SLC9B1: variants seen among roughly 807,000 people sequenced by gnomAD.
SLC9B1 encodes solute carrier family 9 member B1.
In SLC9B1, 32 loss-of-function variants were observed where a neutral mutation model predicts 51.7. That is an observed-to-expected ratio of 0.62 (90% CI 0.47 to 0.83). The LOEUF (loss-of-function observed/expected upper bound fraction) is 0.83. Among genes scored for constraint, SLC9B1 ranks in the 40% least tolerant of loss-of-function variants. SLC9B1 has a pLI of 0.00. For missense variants in SLC9B1, 406 were observed against 613.2 expected, an observed-to-expected ratio of 0.66 and a Z score of 3.57; for synonymous variants, 145 against 212.7, an observed-to-expected ratio of 0.68 and a Z score of 2.77.
chr4:102,941,679 A>AG (rs1737009086), intron 6 of SLC9B1, among the ~76,000 whole-genome samples: 2 of 142,430 alleles, frequency 1.4e-5, no homozygotes, highest in African/African-American at 5.3e-5. Context: ...GAGAGAGAGA[A>AG]AGAAAAACCC....
intron 5 of SLC9B1, 89 bp downstream of exon 5, chr4:102,946,558 A>G: frequency 7.0e-7 from 1 of 1,423,458 alleles, no homozygotes; most frequent in Non-Finnish European, 9.6e-7. Flanking sequence ...TCTATTTGGA[A>G]CAGGAAAATA....
At chr4:102,919,783 C>T (rs1478160813) in intron 7 of SLC9B1, among the ~76,000 whole-genome samples, 1 of 152,240 alleles carries the variant, frequency 6.6e-6, no homozygotes, top group Non-Finnish European at 1.5e-5. Flanking sequence ...GGGTCCCACA[C>T]CCATGGAGCC....
chr4:103,001,893 T>A (rs931461425), intron 1 of SLC9B1, among the ~76,000 whole-genome samples: 15 of 152,220 alleles, frequency 9.9e-5, no homozygotes, highest in African/African-American at 3.6e-4. Flanking sequence ...GAGGTTTAAC[T>A]GACTCACAGT....
Position 102,938,527 on chromosome 4 carries a change from A to G in SLC9B1, c.654-6228T>C, listed in dbSNP as rs532022766. 2.0e-5 allele frequency among the ~76,000 whole-genome samples: 3 copies of G among 152,304 alleles called. No individual in the cohort carries two copies. The South Asian group carries it at 6.2e-4, about 32-fold the overall frequency. ...GTCAACACTTGGCTAAATGGACCTA[A>G]CAGCCATCTACAGAACACTCCACCC... On this transcript the variant is annotated intron_variant, in intron 6 of 11. Coordinates refer to ENST00000296422, the MANE Select transcript of SLC9B1 (RefSeq NM_139173.4).
chr4:102,905,972 G>A (rs1026921590), intron 10 of SLC9B1, among the ~76,000 whole-genome samples: 3 of 151,996 alleles, frequency 2.0e-5, no homozygotes, highest in African/African-American at 7.3e-5. Flanking sequence ...TTCTTGCTCT[G>A]TCACCCAGGC....
chr4:102,947,998 T>A (rs1388630768), intron 4 of SLC9B1, among the ~76,000 whole-genome samples: 1 of 152,208 alleles, frequency 6.6e-6, no homozygotes, highest in African/African-American at 2.4e-5. Flanking sequence ...ATGGTTAAAA[T>A]CAAAGAATAA....
chr4:102,988,989 A>T lies in SLC9B1; in HGVS notation c.211+811T>A, dbSNP rs148742679. On this transcript the variant is annotated intron_variant, in intron 3 of 11. Coordinates refer to ENST00000296422, the MANE Select transcript of SLC9B1 (RefSeq NM_139173.4). ...GACCAAGTCATGGGAACATATGTAT[A>T]TTTACAAAGGAGTCCAATCACTTAC... Among the ~76,000 whole-genome samples, 478 of 152,174 alleles carry T rather than the reference A, an allele frequency of 3.1e-3. 3 individuals carry two copies. The highest frequency in any genetic ancestry group is 0.01 in the African/African-American group (433 of 41,548).
chr4:102,933,266 C>T (rs1447737632), intron 6 of SLC9B1, among the ~76,000 whole-genome samples: 1 of 152,182 alleles, frequency 6.6e-6, no homozygotes, highest in Non-Finnish European at 1.5e-5. Flanking sequence ...TCCCTCCAGA[C>T]AGCATCTGCC....
intron 3 of SLC9B1, among the ~76,000 whole-genome samples, chr4:102,987,721 T>C (rs1025810801): frequency 3.9e-5 from 6 of 152,190 alleles, no homozygotes; most frequent in South Asian, 2.1e-4. Flanking sequence ...CATCCCATAA[T>C]TGGGGACCTC....
At chr4:102,993,034 T>C (rs1322667233) in intron 1 of SLC9B1, among the ~76,000 whole-genome samples, 1 of 152,154 alleles carries the variant, frequency 6.6e-6, no homozygotes, top group Non-Finnish European at 1.5e-5. Flanking sequence ...GTGGGGATTG[T>C]TATAACTCAA....
intron 3 of SLC9B1, among the ~76,000 whole-genome samples, chr4:102,981,049 T>C (rs1739327836): frequency 6.6e-6 from 1 of 152,168 alleles, no homozygotes; most frequent in Non-Finnish European, 1.5e-5. Context: ...TTTTACTGTG[T>C]CCATAGTTTT....
chr4:102,950,400 G>A (rs1737487753), intron 3 of SLC9B1, among the ~76,000 whole-genome samples: 1 of 152,092 alleles, frequency 6.6e-6, no homozygotes, highest in African/African-American at 2.4e-5. Context: ...TACTCACTGA[G>A]GAATCCATAG....
intron 3 of SLC9B1, among the ~76,000 whole-genome samples, chr4:102,981,063 CCT>C (rs1739328610): frequency 6.6e-6 from 1 of 152,100 alleles, no homozygotes; most frequent in Non-Finnish European, 1.5e-5. Flanking sequence ...TAGTTTTGCC[CCT>C]GTTAGAATGT....
Position 102,909,553 on chromosome 4 carries a change from A to G in SLC9B1, c.1086+886T>C, listed in dbSNP as rs1306384269. 3.9e-5 allele frequency among the ~76,000 whole-genome samples: 6 copies of G among 152,256 alleles called. No homozygotes were observed. In the East Asian group the frequency reaches 1.2e-3, roughly 29 times the overall value. On this transcript the variant is annotated intron_variant, in intron 9 of 11. Transcript: ENST00000296422. ...AGGAGGTGGAGTTTGCAGTGAGCCA[A>G]GATTATGCTACTGCACTCCAGCCTG... is the stretch of plus-strand genomic sequence containing the variant.
intron 6 of SLC9B1, among the ~76,000 whole-genome samples, chr4:102,938,057 C>A (rs1736810151): frequency 6.6e-6 from 1 of 152,092 alleles, no homozygotes; most frequent in Non-Finnish European, 1.5e-5. Context: ...AGTATAAACG[C>A]CCCACTTAAA....
rs140158497 is a variant in SLC9B1, at chr4:102,991,657, A to C, written c.55T>G (p.Ser19Ala). ...TAAGTTTTTACCTGAGGAGTTGTAG[A>C]TGTTTGGAAGTTTTCATCCTCCAAA... is the stretch of plus-strand genomic sequence containing the variant. ...EHLEDENFQT[S>A]TTPQSLIDPN... Residue 19 changes from serine to alanine, a missense_variant, in exon 2 of 12, where the codon TCT becomes GCT. Physicochemically the swap from Ser to Ala is moderately conservative, Grantham distance 99 (BLOSUM62 1). Coordinates refer to ENST00000296422, the MANE Select transcript of SLC9B1 (RefSeq NM_139173.4). The C allele has an allele frequency of 6.3e-6, 10 of 1,588,026 alleles. No homozygotes were observed. In the South Asian group the frequency reaches 1.1e-4, roughly 18 times the overall value.
intron 3 of SLC9B1, among the ~76,000 whole-genome samples, chr4:102,987,988 C>T (rs1474066541): frequency 1.3e-5 from 2 of 152,070 alleles, no homozygotes; most frequent in African/African-American, 4.8e-5. Context: ...AATCTCCTTA[C>T]GTGTAGAACT....
At chr4:102,956,182 G>A (rs1367123863) in intron 3 of SLC9B1, among the ~76,000 whole-genome samples, 6 of 152,114 alleles carry the variant, frequency 3.9e-5, no homozygotes, top group African/African-American at 1.4e-4. Context: ...ACACATCCTT[G>A]TAACTCCACA....
intron 1 of SLC9B1, among the ~76,000 whole-genome samples, chr4:103,014,316 T>C (rs1351374483): frequency 6.6e-6 from 1 of 152,244 alleles, no homozygotes; most frequent in Non-Finnish European, 1.5e-5. Flanking sequence ...CCAGAAGATT[T>C]CCTGACGCTA....
Sources: allele counts gnomAD v4.1 joint callset (sites outside exome capture counted in the v4.1 genomes callset), GRCh38; gene constraint gnomAD v4.1.1; transcripts MANE v1.5; gene names NCBI Gene and HGNC (gene_info 2026-07-23, HGNC 2026-07-21).